KCNQ1: variants seen among roughly 807,000 people sequenced by gnomAD.
KCNQ1 encodes potassium voltage-gated channel subfamily Q member 1.
A neutral mutation model predicts 72.4 loss-of-function variants in KCNQ1; 49 were observed. The observed-to-expected ratio is 0.68, with a 90% confidence interval of 0.54 to 0.86. The LOEUF (loss-of-function observed/expected upper bound fraction) is 0.86. Among genes scored for constraint, KCNQ1 ranks in the 40% least tolerant of loss-of-function variants. KCNQ1 has a pLI of 0.00. For synonymous variants in KCNQ1, 450 were observed against 412.6 expected (o/e 1.09, Z -1.10); for missense variants, 790 against 945.1 (o/e 0.84, Z 2.15).
chr11:2,774,851 G>A (rs570650005), intron 12 of KCNQ1, among the ~76,000 whole-genome samples: 4 of 152,222 alleles, frequency 2.6e-5, no homozygotes, highest in East Asian at 1.9e-4. Context: ...GACCCAGCCC[G>A]GGCCCTCAAC....
intron 11 of KCNQ1, among the ~76,000 whole-genome samples, chr11:2,719,770 T>C (rs769728467): frequency 1.3e-5 from 2 of 152,230 alleles, no homozygotes; most frequent in African/African-American, 4.8e-5. Flanking sequence ...GGTTGGAGAA[T>C]GGGCCTGGGT....
At chr11:2,583,368 G>T in intron 6 of KCNQ1, 67 bp from the exon 7 acceptor site, 1 of 1,109,780 alleles carries the variant, frequency 9.0e-7, no homozygotes, top group Admixed American at 1.7e-5. Flanking sequence ...GTGGGTTTGG[G>T]TTAGGCAGTT....
At chr11:2,499,529 C>CCCG (rs1366419818) in intron 1 of KCNQ1, among the ~76,000 whole-genome samples, 1 of 145,152 alleles carries the variant, frequency 6.9e-6, no homozygotes, top group Non-Finnish European at 1.5e-5. Context: ...GACCCCTGCC[C>CCCG]CCACAAAAAA....
intron 10 of KCNQ1, chr11:2,625,980 A>C (rs1849255371): frequency 2.5e-6 from 1 of 398,428 alleles, no homozygotes; most frequent in South Asian, 1.3e-4. Flanking sequence ...TTTTTCTCCC[A>C]TTCTGTAGGT....
chr11:2,613,975 C>T lies in KCNQ1; in HGVS notation c.1393+25121C>T. Reference sequence around the variant, plus strand: ...ACAACATCTCCTAGAAATCACTCAACATCCATTCACAGAGATCTTTCTCAT... The same window carrying T: ...ACAACATCTCCTAGAAATCACTCAATATCCATTCACAGAGATCTTTCTCAT... On this transcript the variant is annotated intron_variant, in intron 10 of 15. Coordinates refer to ENST00000155840, the MANE Select transcript of KCNQ1 (RefSeq NM_000218.3). The surrounding 1 kb of genome is among the most constrained non-coding windows in gnomAD (Gnocchi z 4.8). The T allele has an allele frequency of 2.5e-6, 1 of 398,638 alleles. No homozygotes were observed. Among genetic ancestry groups the T allele is most frequent in the Non-Finnish European group, 4.4e-6 (1 of 226,072 alleles). The allele number at this position is 398,638 out of a possible 1,614,324, so 24.7% of individuals were successfully genotyped here.
rs145816755 is a variant in KCNQ1 at position 2,823,121 on chromosome 11, G to A, written c.1795-24646G>A. On this transcript the variant is annotated intron_variant, in intron 15 of 15. Coordinates refer to ENST00000155840, the MANE Select transcript of KCNQ1 (RefSeq NM_000218.3). Reference sequence around the variant, plus strand: ...AGAAAGGGCCCACTGAGAACCTCTAGCAGAAAAGAGCAGCCACTGTGTCAT... The same window carrying A: ...AGAAAGGGCCCACTGAGAACCTCTAACAGAAAAGAGCAGCCACTGTGTCAT... Among the ~76,000 whole-genome samples the A allele has an allele frequency of 3.7e-4, 57 of 152,250 alleles. No individual in the cohort carries two copies. The East Asian group carries it at 9.8e-3, about 26-fold the overall frequency.
At chr11:2,556,411 T>C (rs1048462122) in intron 2 of KCNQ1, among the ~76,000 whole-genome samples, 4 of 152,098 alleles carry the variant, frequency 2.6e-5, no homozygotes, top group Admixed American at 1.3e-4. Context: ...AATCCAAGGG[T>C]CCGTAAACCA....
rs1046259709 is a variant in KCNQ1, at chr11:2,824,599, G to C, written c.1795-23168G>C. 6.6e-6 allele frequency among the ~76,000 whole-genome samples: 1 copy of C among 152,164 alleles called. No homozygotes were observed. The highest frequency in any genetic ancestry group is 2.1e-4 in the South Asian group (1 of 4,826). Reference sequence around the variant, plus strand: ...CATGGAGGTGGTACCTGAAGAAGGGGTGTGGATGAGGTTGCCTGGCAAGAG... The same window carrying C: ...CATGGAGGTGGTACCTGAAGAAGGGCTGTGGATGAGGTTGCCTGGCAAGAG... On this transcript the variant is annotated intron_variant, in intron 15 of 15. Transcript: ENST00000155840. This position sits in a 1 kb window ranked among gnomAD's most constrained non-coding sequence, Gnocchi z 5.9.
chr11:2,456,368 G>T (rs1846190962), intron 1 of KCNQ1, among the ~76,000 whole-genome samples: 1 of 151,676 alleles, frequency 6.6e-6, no homozygotes, highest in African/African-American at 2.4e-5. Flanking sequence ...AATCCTGGAA[G>T]AAAATAGTCT....
chr11:2,596,863 T>C (rs181649880), intron 10 of KCNQ1, among the ~76,000 whole-genome samples: 2 of 151,628 alleles, frequency 1.3e-5, no homozygotes, highest in East Asian at 1.9e-4. Context: ...TCAATAAAAC[T>C]GTTTATAATA....
chr11:2,771,747 G>C (rs1846603136), intron 12 of KCNQ1, among the ~76,000 whole-genome samples: 1 of 152,310 alleles, frequency 6.6e-6, no homozygotes, highest in Non-Finnish European at 1.5e-5. Context: ...CAGAGAGAGA[G>C]AGAGAGATCA....
intron 1 of KCNQ1, among the ~76,000 whole-genome samples, chr11:2,519,209 G>A (rs921691890): frequency 1.3e-5 from 2 of 152,216 alleles, no homozygotes; most frequent in Non-Finnish European, 2.9e-5. Flanking sequence ...GCCTGCTGCA[G>A]ATGGGCCAGC....
At chr11:2,758,401 C>CACCAA (rs1426624731) in intron 11 of KCNQ1, among the ~76,000 whole-genome samples, 3 of 152,186 alleles carry the variant, frequency 2.0e-5, no homozygotes, top group Non-Finnish European at 2.9e-5. Flanking sequence ...GTAATGATGA[C>CACCAA]ACCAAATGTT....
chr11:2,572,945 G>T lies in KCNQ1; in HGVS notation c.880G>T (p.Val294Leu). Reference sequence around the variant, plus strand: ...GGACGCGGTGAACGAGTCAGGCCGCGTGGAGTTCGGCAGCTACGCAGATGC... The same window carrying T: ...GGACGCGGTGAACGAGTCAGGCCGCTTGGAGTTCGGCAGCTACGCAGATGC... ...EKDAVNESGRVEFGSYADALW... is the reference protein window; with the variant it reads ...EKDAVNESGRLEFGSYADALW... Residue 294 changes from valine to leucine, a missense_variant, in exon 6 of 16, where the codon GTG becomes TTG. This residue lies in a region of KCNQ1 where 133 missense variants were observed against 219.5 expected (regional missense o/e 0.61). Coordinates refer to ENST00000155840, the MANE Select transcript of KCNQ1 (RefSeq NM_000218.3). 1 of 1,613,822 alleles carries T rather than the reference G, an allele frequency of 6.2e-7. No individual in the cohort carries two copies. The highest frequency in any genetic ancestry group is 8.5e-7 in the Non-Finnish European group (1 of 1,180,010).
At position 2,698,768 on chromosome 11, in the gene KCNQ1, C is replaced by A; in HGVS notation, c.1514+36687C>A. ...TCAACTCAGAGCCATGATGCAGACTCCAGACCGGGATTCAGGTCCCCAACT... is the reference window on the plus strand; with the variant it reads ...TCAACTCAGAGCCATGATGCAGACTACAGACCGGGATTCAGGTCCCCAACT... On this transcript the variant is annotated intron_variant, in intron 11 of 15. Transcript: ENST00000155840. The surrounding 1 kb of genome is among the most constrained non-coding windows in gnomAD (Gnocchi z 5.1). 1 of 398,898 alleles carries A rather than the reference C, an allele frequency of 2.5e-6. No individual in the cohort carries two copies. The highest frequency in any genetic ancestry group is 4.4e-6 in the Non-Finnish European group (1 of 226,176). The allele number at this position is 398,898 out of a possible 1,614,324, so 24.7% of individuals were successfully genotyped here. A position where few individuals can be genotyped will look rare whatever the true frequency, so the allele number is the denominator to read the frequency against.
At chr11:2,578,794 G>A (rs546572051) in intron 6 of KCNQ1, among the ~76,000 whole-genome samples, 1 of 152,386 alleles carries the variant, frequency 6.6e-6, no homozygotes, top group South Asian at 2.1e-4. Context: ...GTCGGGGCCT[G>A]CAATGGCTGA....
Position 2,663,222 on chromosome 11 carries a change from G to A in KCNQ1, c.1514+1141G>A. On this transcript the variant is annotated intron_variant, in intron 11 of 15. Coordinates refer to ENST00000155840, the MANE Select transcript of KCNQ1 (RefSeq NM_000218.3). This position sits in a 1 kb window ranked among gnomAD's most constrained non-coding sequence, Gnocchi z 5.2. ...TGGGTAGGGTGTGAAGAGGCTCCAA[G>A]GGAGCCAGCAGATCACTGGAAAGCA... 1 of 398,750 alleles carries A rather than the reference G, an allele frequency of 2.5e-6. No homozygotes were observed. The allele number at this position is 398,750 out of a possible 1,614,324, so 24.7% of individuals were successfully genotyped here. A position where few individuals can be genotyped will look rare whatever the true frequency, so the allele number is the denominator to read the frequency against.
At chr11:2,456,209 G>A (rs955913962) in intron 1 of KCNQ1, among the ~76,000 whole-genome samples, 6 of 151,710 alleles carry the variant, frequency 4.0e-5, no homozygotes, top group African/African-American at 7.3e-5. Context: ...GTGGTGGTAC[G>A]CACCTGTGGT....
chr11:2,507,530 G>A lies in KCNQ1; in HGVS notation c.387-20398G>A, dbSNP rs1341776139. ...GGAGGAAGAGAAAAGGATGCTGCTG[G>A]GACCCCTCGCACCTGGGAGGATGCA... On this transcript the variant is annotated intron_variant, in intron 1 of 15. Transcript: ENST00000155840. The surrounding 1 kb of genome is among the most constrained non-coding windows in gnomAD (Gnocchi z 5.4). 6.6e-6 allele frequency among the ~76,000 whole-genome samples: 1 copy of A among 152,190 alleles called. No homozygotes were observed. The highest frequency in any genetic ancestry group is 2.4e-5 in the African/African-American group (1 of 41,442).
Sources: allele counts gnomAD v4.1 joint callset (sites outside exome capture counted in the v4.1 genomes callset), GRCh38; gene constraint gnomAD v4.1.1; regional missense constraint gnomAD v4.1.1; non-coding constraint Gnocchi (gnomAD v3.1); transcripts MANE v1.5; gene names NCBI Gene and HGNC (gene_info 2026-07-23, HGNC 2026-07-21).